The following METTL16 variants were observed in gnomAD, a reference collection of about 807,000 sequenced individuals.
METTL16 encodes the protein RNA N(6)-adenosine-methyltransferase METTL16.
Under a neutral mutation model 57.9 loss-of-function variants are expected in METTL16, and 19 were observed. The observed-to-expected ratio is 0.33, with a 90% CI of 0.23 to 0.48. METTL16 has a LOEUF of 0.48. Among genes scored for constraint, METTL16 ranks in the 20% least tolerant of loss-of-function variants. The probability of loss-of-function intolerance (pLI) is 0.99; values close to 1 mark genes in which losing one functional copy is unlikely to be tolerated. For synonymous variants in METTL16, 246 were observed against 255.6 expected (o/e 0.96, Z 0.36); for missense variants, 434 against 691.5 (o/e 0.63, Z 4.18).
intron 6 of METTL16, among the ~76,000 whole-genome samples, chr17:2,463,716 T>C (rs958277552): frequency 6.6e-6 from 1 of 151,864 alleles, no homozygotes; most frequent in African/African-American, 2.4e-5. Context: ...CACCTCGGCC[T>C]CCCAAAGTGC....
At chr17:2,443,263 C>A (rs959566025) in intron 6 of METTL16, among the ~76,000 whole-genome samples, 1 of 152,162 alleles carries the variant, frequency 6.6e-6, no homozygotes, top group Non-Finnish European at 1.5e-5. Flanking sequence ...CATGAGCCAC[C>A]ATGCGTGACA....
At chr17:2,467,704 G>A in intron 5 of METTL16, 57 bp downstream of exon 5, 3 of 1,352,840 alleles carry the variant, frequency 2.2e-6, no homozygotes, top group Non-Finnish European at 1.1e-6. Context: ...GGGATTACAG[G>A]CGTGAGCCAC....
At position 2,441,548 on chromosome 17, in the gene METTL16, C is replaced by T; in HGVS notation, c.740G>A (p.Cys247Tyr). ...QLKKRLRWYS[C>Y]MLGKKCSLAP... ...CAGGCTGCATTTCTTTCCCAGCATGCAGCTATACCATCTAGGAAAAAAAAA... is the reference window on the plus strand; with the variant it reads ...CAGGCTGCATTTCTTTCCCAGCATGTAGCTATACCATCTAGGAAAAAAAAA... The change falls in exon 7 of 10, where the codon TGC becomes TAC. Residue 247 changes from cysteine (C) to tyrosine (Y), a missense_variant. Cys to Tyr is a radical substitution (Grantham distance 194, BLOSUM62 -2). This residue lies in a region of METTL16 where 96 missense variants were observed against 138.3 expected (regional missense o/e 0.69). Transcript: ENST00000263092. 1 of 1,576,828 alleles carries T rather than the reference C, an allele frequency of 6.3e-7. No individual in the cohort carries two copies. Among genetic ancestry groups the T allele is most frequent in the Non-Finnish European group, 8.6e-7 (1 of 1,160,932 alleles).
chr17:2,419,947 G>A lies in METTL16; in HGVS notation c.*23C>T, dbSNP rs752470879. 4 of 1,611,938 alleles carry A rather than the reference G, an allele frequency of 2.5e-6. No individual in the cohort carries two copies. The Middle Eastern group carries it at 5.0e-4, about 200-fold the overall frequency. ...CTCCAAAGCAAGTTACTATCAACAC[G>A]TTTCCAACTGTGCAGGAGGTTTCTA... On this transcript the variant is annotated 3_prime_UTR_variant, in exon 10 of 10. Coordinates refer to ENST00000263092, the MANE Select transcript of METTL16 (RefSeq NM_024086.4).
At chr17:2,426,216 T>C (rs1016765012) in intron 8 of METTL16, among the ~76,000 whole-genome samples, 2 of 152,090 alleles carry the variant, frequency 1.3e-5, no homozygotes, top group African/African-American at 2.4e-5. Flanking sequence ...GAGACCCCAG[T>C]GCAGTGGCCG....
chr17:2,477,239 T>C (rs1486642030), intron 3 of METTL16, among the ~76,000 whole-genome samples: 1 of 152,190 alleles, frequency 6.6e-6, no homozygotes, highest in Non-Finnish European at 1.5e-5. Context: ...CTCATTTTCA[T>C]TTTGTACTTC....
At chr17:2,425,525 C>A (rs778989872) in intron 8 of METTL16, among the ~76,000 whole-genome samples, 1 of 152,024 alleles carries the variant, frequency 6.6e-6, no homozygotes, top group Non-Finnish European at 1.5e-5. Context: ...TTTTGAATTC[C>A]AAGTAGTCAA....
At chr17:2,415,928 T>G (rs1172926517), downstream of METTL16, 2 of 152,090 alleles carry the variant, frequency 1.3e-5, no homozygotes, top group Non-Finnish European at 2.9e-5. Flanking sequence ...TGGCCCAACC[T>G]GGATATATTC....
rs1413282704 is a variant in METTL16 at position 2,416,283 on chromosome 17, G to A, written c.*3687C>T. ...GCAGAAAGGAGGGGCTCCAGGAGCTGGTCGTGAAGTCATCAGCTCCCTTCT... is the reference window on the plus strand; with the variant it reads ...GCAGAAAGGAGGGGCTCCAGGAGCTAGTCGTGAAGTCATCAGCTCCCTTCT... On this transcript the variant is annotated 3_prime_UTR_variant, in exon 10 of 10. Coordinates refer to ENST00000263092, the MANE Select transcript of METTL16 (RefSeq NM_024086.4). The A allele has an allele frequency of 1.3e-5, 2 of 152,106 alleles. No homozygotes were observed. Among genetic ancestry groups the A allele is most frequent in the Non-Finnish European group, 2.9e-5 (2 of 68,030 alleles). The allele number at this position is 152,106 out of a possible 1,614,324, so 9.4% of individuals were successfully genotyped here.
chr17:2,444,711 C>A (rs577430607), intron 6 of METTL16, among the ~76,000 whole-genome samples: 2 of 150,776 alleles, frequency 1.3e-5, no homozygotes, highest in East Asian at 3.9e-4. Flanking sequence ...CACAGATGGA[C>A]CATTTTTTTT....
At chr17:2,443,262 C>G (rs891534122) in intron 6 of METTL16, among the ~76,000 whole-genome samples, 3 of 152,114 alleles carry the variant, frequency 2.0e-5, no homozygotes, top group African/African-American at 4.8e-5. Context: ...GCATGAGCCA[C>G]CATGCGTGAC....
chr17:2,458,962 A>C (rs2067129980), intron 6 of METTL16, among the ~76,000 whole-genome samples: 1 of 151,940 alleles, frequency 6.6e-6, no homozygotes, highest in Non-Finnish European at 1.5e-5. Flanking sequence ...ATGTGCCACC[A>C]CATCCAGCTA....
chr17:2,423,296 G>T (rs1251647839), intron 8 of METTL16, among the ~76,000 whole-genome samples: 1 of 144,322 alleles, frequency 6.9e-6, no homozygotes, highest in Non-Finnish European at 1.5e-5. Flanking sequence ...GTGTGTGTGT[G>T]TGTGTGTTTG....
chr17:2,485,727 G>T (rs2067336481), intron 2 of METTL16, among the ~76,000 whole-genome samples: 1 of 152,174 alleles, frequency 6.6e-6, no homozygotes, highest in Non-Finnish European at 1.5e-5. Flanking sequence ...TACGCAAAAT[G>T]CTAGGGATAT....
intron 5 of METTL16, among the ~76,000 whole-genome samples, chr17:2,466,933 G>T (rs1010415890): frequency 5.3e-5 from 8 of 151,804 alleles, no homozygotes; most frequent in Non-Finnish European, 8.8e-5. Flanking sequence ...CTCCCAAGTA[G>T]CTGGGTCTAC....
At chr17:2,447,283 G>C (rs1030016324) in intron 6 of METTL16, among the ~76,000 whole-genome samples, 3 of 147,194 alleles carry the variant, frequency 2.0e-5, no homozygotes, top group East Asian at 4.0e-4. Context: ...CCCTGTCTGG[G>C]AGGTGAGGAG....
At chr17:2,468,397 A>G (rs1294714734) in intron 4 of METTL16, among the ~76,000 whole-genome samples, 1 of 152,170 alleles carries the variant, frequency 6.6e-6, no homozygotes, top group Non-Finnish European at 1.5e-5. Flanking sequence ...TCCTTCCAAG[A>G]GTCGTGTGAG....
At chr17:2,448,789 T>TAAAAAAAAAAAAAAAA (rs1288709390) in intron 6 of METTL16, among the ~76,000 whole-genome samples, 1 of 47,732 alleles carries the variant, frequency 2.1e-5, no homozygotes, top group Non-Finnish European at 5.3e-5. Flanking sequence ...AATAAAAAAA[T>TAAAAAAAAAAAAAAAA]AAAAATAAAA....
chr17:2,432,583 T>A (rs2066881301), intron 8 of METTL16, among the ~76,000 whole-genome samples: 1 of 151,446 alleles, frequency 6.6e-6, no homozygotes, highest in Admixed American at 6.6e-5. Context: ...AAAAAAAAAA[T>A]TAAGCTTGGT....
Sources: allele counts gnomAD v4.1 joint callset (sites outside exome capture counted in the v4.1 genomes callset), GRCh38; gene constraint gnomAD v4.1.1; regional missense constraint gnomAD v4.1.1; transcripts MANE v1.5; gene names NCBI Gene and HGNC (gene_info 2026-07-23, HGNC 2026-07-21).